The following SRRM3 variants were observed in gnomAD, a reference collection of about 807,000 sequenced individuals.
The protein encoded by SRRM3 is serine/arginine repetitive matrix 3.
A neutral mutation model predicts 66.2 loss-of-function variants in SRRM3; 27 were observed. The ratio of observed to expected loss-of-function variants is 0.41; its 90% CI spans 0.30 to 0.56. The LOEUF is 0.56. Ranked by LOEUF, SRRM3 falls within the 20% of genes least tolerant of loss-of-function variation. The pLI, the probability that SRRM3 is intolerant of heterozygous loss-of-function variation, is 0.32. For synonymous variants in SRRM3, 391 were observed against 414.9 expected (o/e 0.94, Z 0.70); for missense variants, 918 against 991.9 (o/e 0.93, Z 1.00).
chr7:76,215,179 C>T (rs782140762), intron 1 of SRRM3, among the ~76,000 whole-genome samples: 1 of 151,854 alleles, frequency 6.6e-6, no homozygotes, highest in African/African-American at 2.4e-5. Flanking sequence ...CATTTTTATG[C>T]CTGTTTTAAA....
intron 1 of SRRM3, among the ~76,000 whole-genome samples, chr7:76,208,419 A>G (rs552647980): frequency 6.6e-6 from 1 of 152,166 alleles, no homozygotes; most frequent in African/African-American, 2.4e-5. Flanking sequence ...CTGTAATCCC[A>G]GAACTTTGGG....
chr7:76,266,634 A>AATATATTTATATATTATATATATTATTAT (rs1563635452), intron 10 of SRRM3, among the ~76,000 whole-genome samples: 55 of 129,154 alleles, frequency 4.3e-4, no homozygotes, highest in African/African-American at 1.5e-3. Context: ...ATATATATTT[A>AATATATTTATATATTATATATATTATTAT]ATATATTTAT....
At chr7:76,278,954 CCAAA>C (rs554719978) in intron 11 of SRRM3, among the ~76,000 whole-genome samples, 6 of 152,286 alleles carry the variant, frequency 3.9e-5, no homozygotes, top group African/African-American at 1.2e-4. Flanking sequence ...GTCTTCTCAT[CCAAA>C]CAGTCTGCCA....
chr7:76,237,556 C>G (rs746179549), intron 2 of SRRM3, among the ~76,000 whole-genome samples: 1 of 152,186 alleles, frequency 6.6e-6, no homozygotes, highest in African/African-American at 2.4e-5. Context: ...GCCTGAGCAA[C>G]GGAGGGAGAC....
chr7:76,236,451 C>T (rs1157626493), intron 2 of SRRM3, among the ~76,000 whole-genome samples: 5 of 19,906 alleles, frequency 2.5e-4, no homozygotes, highest in Admixed American at 6.4e-4. Context: ...GGTGGGGGGG[C>T]GGGGAGCTGG....
At chr7:76,205,594 G>A (rs180745593) in intron 1 of SRRM3, among the ~76,000 whole-genome samples, 24 of 152,298 alleles carry the variant, frequency 1.6e-4, no homozygotes, top group Admixed American at 1.2e-3. Context: ...CCTCACCTCT[G>A]TTGCTTCCCT....
At position 76,267,420 on chromosome 7, in the gene SRRM3, G is replaced by A. The variant is rs1554609932; in HGVS notation, c.993G>A (p.Ala331=). The stretch of plus-strand genomic sequence containing the variant: ...CGCACGGGGGCCGCCCCGGCTCGGC[G>A]CACAGCCCGCCCGATGTACGTACGC... ...SGAHGGRPGS[A]HSPPDKPSSP... Residue 331 remains alanine (A), a synonymous_variant, in exon 11 of 15, where the codon GCG becomes GCA. Coordinates refer to ENST00000611745, the MANE Select transcript of SRRM3 (RefSeq NM_001110199.3). The A allele has an allele frequency of 7.3e-7, 1 of 1,370,090 alleles. No individual in the cohort carries two copies. The highest frequency in any genetic ancestry group is 1.8e-5 in the South Asian group (1 of 55,534). The allele number at this position is 1,370,090 out of a possible 1,614,324, so 84.9% of individuals were successfully genotyped here.
chr7:76,219,678 G>A (rs559565964), intron 1 of SRRM3, among the ~76,000 whole-genome samples: 1 of 152,312 alleles, frequency 6.6e-6, no homozygotes, highest in African/African-American at 2.4e-5. Flanking sequence ...GGAAGCCAAG[G>A]TGGGTGGATC....
At chr7:76,213,889 C>T (rs1242796633) in intron 1 of SRRM3, among the ~76,000 whole-genome samples, 3 of 152,114 alleles carry the variant, frequency 2.0e-5, no homozygotes, top group African/African-American at 7.2e-5. Context: ...CCTGCCTCAG[C>T]CTCCCAAGTA....
intron 1 of SRRM3, among the ~76,000 whole-genome samples, chr7:76,202,797 G>C (rs1554600753): frequency 6.6e-6 from 1 of 152,060 alleles, no homozygotes; most frequent in African/African-American, 2.4e-5. Flanking sequence ...CCTTGCCTCC[G>C]CCTCCCCCTC....
intron 1 of SRRM3, among the ~76,000 whole-genome samples, chr7:76,206,015 T>A (rs2116922335): frequency 6.6e-6 from 1 of 152,292 alleles, no homozygotes; most frequent in East Asian, 1.9e-4. Flanking sequence ...ACCCATTTTT[T>A]AAATTTTTTT....
In SRRM3 at chr7:76,218,885, G is replaced by A. The variant is rs114472750; in HGVS notation, c.-39-16143G>A. Among the ~76,000 whole-genome samples the A allele has an allele frequency of 8.4e-3, 1,264 of 151,062 alleles. 25 individuals are homozygous for A. The highest frequency in any genetic ancestry group is 0.029 in the African/African-American group (1,186 of 41,098). On this transcript the variant is annotated intron_variant, in intron 1 of 14. Coordinates refer to ENST00000611745, the MANE Select transcript of SRRM3 (RefSeq NM_001110199.3). ...TTTTGTTTTTTTCAGACAGAGTGTC[G>A]CTCTTGTTGCCCAGGCTGGGGTGCA... is the stretch of plus-strand genomic sequence containing the variant.
In SRRM3 at chr7:76,235,021, C is replaced by A. The variant is rs1554604613; in HGVS notation, c.-39-7C>A. Reference sequence around the variant, plus strand: ...CATCCCGCCTCGTGTCTGTGTCTGTCCCTCAGGGCCAGCGGCCCAGGCCAG... The same window carrying A: ...CATCCCGCCTCGTGTCTGTGTCTGTACCTCAGGGCCAGCGGCCCAGGCCAG... On this transcript the variant is annotated splice_polypyrimidine_tract_variant and splice_region_variant and intron_variant, in intron 1 of 14. Coordinates refer to ENST00000611745, the MANE Select transcript of SRRM3 (RefSeq NM_001110199.3). 5.4e-6 allele frequency: 8 copies of A among 1,479,706 alleles called. No homozygotes were observed. In the East Asian group the frequency reaches 1.8e-4, roughly 32 times the overall value. The allele number at this position is 1,479,706 out of a possible 1,614,324, so 91.7% of individuals were successfully genotyped here.
At chr7:76,277,626 AGGT>A (rs1328685224) in intron 11 of SRRM3, among the ~76,000 whole-genome samples, 2 of 150,304 alleles carry the variant, frequency 1.3e-5, no homozygotes, top group Non-Finnish European at 3.0e-5. Context: ...TGAACCTGGC[AGGT>A]GGAGGTTACA....
chr7:76,212,482 T>A (rs1244254522), intron 1 of SRRM3, among the ~76,000 whole-genome samples: 1 of 146,376 alleles, frequency 6.8e-6, no homozygotes, highest in Non-Finnish European at 1.5e-5. Flanking sequence ...TTTTTTTTTT[T>A]TTTTTAGATG....
chr7:76,285,589 T>G lies in SRRM3; in HGVS notation c.1734-26T>G. The G allele has an allele frequency of 6.5e-7, 1 of 1,538,030 alleles. No individual in the cohort carries two copies. Among genetic ancestry groups the G allele is most frequent in the Non-Finnish European group, 8.8e-7 (1 of 1,137,832 alleles). ...ATGGGGCTCGGGGCCTGGGATGGCC[T>G]GTAATCAGCTTTTTCTTCCCGGCAG... On this transcript the variant is annotated intron_variant, in intron 14 of 14. Coordinates refer to ENST00000611745, the MANE Select transcript of SRRM3 (RefSeq NM_001110199.3). This position sits in a 1 kb window ranked among gnomAD's most constrained non-coding sequence, Gnocchi z 4.1.
At chr7:76,215,818 GAC>G (rs1440522302) in intron 1 of SRRM3, among the ~76,000 whole-genome samples, 1 of 119,266 alleles carries the variant, frequency 8.4e-6, no homozygotes, top group African/African-American at 3.5e-5. Context: ...TTTTTTTTGA[GAC>G]AGAGTCTCAC....
Position 76,256,712 on chromosome 7 carries a change from T to C in SRRM3, c.336-3194T>C, listed in dbSNP as rs533937667. Among the ~76,000 whole-genome samples the C allele has an allele frequency of 4.3e-3, 648 of 150,180 alleles. 6 individuals are homozygous for C. Among genetic ancestry groups the C allele is most frequent in the African/African-American group, 0.015 (617 of 40,206 alleles). Reference sequence around the variant, plus strand: ...TTTTGGTGGGTTTTGGCCGGCTTCTTTTTCTTTTTTTTTTTTTTTGGAGTT... The same window carrying C: ...TTTTGGTGGGTTTTGGCCGGCTTCTCTTTCTTTTTTTTTTTTTTTGGAGTT... On this transcript the variant is annotated intron_variant, in intron 3 of 14. Coordinates refer to ENST00000611745, the MANE Select transcript of SRRM3 (RefSeq NM_001110199.3).
intron 3 of SRRM3, among the ~76,000 whole-genome samples, chr7:76,250,493 C>G (rs1801552781): frequency 1.3e-5 from 2 of 152,198 alleles, no homozygotes; most frequent in Non-Finnish European, 2.9e-5. Context: ...CTCGGCCTCC[C>G]AAAGTGCTGG....
Sources: gnomAD v4.1 joint callset for allele counts (sites outside exome capture counted in the v4.1 genomes callset) on GRCh38, gnomAD v4.1.1 for gene constraint, Gnocchi (gnomAD v3.1) non-coding constraint, MANE v1.5 for transcripts, NCBI Gene and HGNC (gene_info 2026-07-23, HGNC 2026-07-21) for gene names.